Variants in ABCF2 observed in about 807,000 individuals in gnomAD.
ABCF2 encodes the protein ATP binding cassette subfamily F member 2.
A neutral mutation model predicts 76.9 loss-of-function variants in ABCF2; 37 were observed. The observed-to-expected ratio is 0.48, with a 90% CI of 0.37 to 0.63. ABCF2 has a LOEUF of 0.63. ABCF2 is among the 30% of genes least tolerant of loss of function. ABCF2 has a pLI of 0.00. For missense variants in ABCF2, 524 were observed against 782.1 expected, an observed-to-expected ratio of 0.67 and a Z score of 3.94; for synonymous variants, 299 against 283.7, an observed-to-expected ratio of 1.05 and a Z score of -0.54.
chr7:151,222,418 T>C, intron 6 of ABCF2, 103 bp downstream of exon 6: 2 of 924,308 alleles, frequency 2.2e-6, no homozygotes, highest in Non-Finnish European at 3.4e-6. Context: ...CTTCCTTCAG[T>C]TCCTTTCTCA....
chr7:151,222,405 G>GTCCT, intron 6 of ABCF2, 116 bp downstream of exon 6: 1 of 782,672 alleles, frequency 1.3e-6, no homozygotes, highest in Non-Finnish European at 2.1e-6. Context: ...AGTGAACTCT[G>GTCCT]TCCTTCCTTC....
chr7:151,215,509 C>T lies in ABCF2; in HGVS notation c.1530+95G>A, dbSNP rs1416702773. 7.9e-6 allele frequency: 12 copies of T among 1,512,274 alleles called. No homozygotes were observed. Among genetic ancestry groups the T allele is most frequent in the Non-Finnish European group, 1.1e-5 (12 of 1,111,092 alleles). 93.7% of individuals were successfully genotyped at this position (1,512,274 alleles called of 1,614,324 possible). A position where few individuals can be genotyped will look rare whatever the true frequency, so the allele number is the denominator to read the frequency against. The stretch of plus-strand genomic sequence containing the variant: ...ATGGAGGAGACTCTGGTTTGGACAG[C>T]TTCCAAACCCAGGCTGCCAGGACAG... On this transcript the variant is annotated intron_variant, in intron 13 of 14. Coordinates refer to ENST00000287844, the MANE Select transcript of ABCF2 (RefSeq NM_007189.3). This position sits in a 1 kb window ranked among gnomAD's most constrained non-coding sequence, Gnocchi z 4.6.
rs566604125 is a variant in ABCF2, at chr7:151,215,889, G to A, written c.1401+78C>T. 238 of 1,581,476 alleles carry A rather than the reference G, an allele frequency of 1.5e-4. No individual in the cohort carries two copies. The African/African-American group carries it at 2.8e-3, about 19-fold the overall frequency. On this transcript the variant is annotated intron_variant, in intron 12 of 14. Coordinates refer to ENST00000287844, the MANE Select transcript of ABCF2 (RefSeq NM_007189.3). The surrounding 1 kb of genome is among the most constrained non-coding windows in gnomAD (Gnocchi z 4.6). ...GGAATTCCTGCCAGGGGGTGGGGGCGGCTGGCTGGAACTCAGCCAGATACA... is the reference window on the plus strand; with the variant it reads ...GGAATTCCTGCCAGGGGGTGGGGGCAGCTGGCTGGAACTCAGCCAGATACA...
At chr7:151,218,679 T>C in intron 9 of ABCF2, 29 bp from the exon 10 acceptor site, 1 of 1,613,740 alleles carries the variant, frequency 6.2e-7, no homozygotes, top group Non-Finnish European at 8.5e-7. Context: ...ATTTATCAAG[T>C]TGGCTCCTTT....
chr7:151,226,623 C>A (rs1250716885), intron 1 of ABCF2, 123 bp from the exon 2 acceptor site: 1 of 725,956 alleles, frequency 1.4e-6, no homozygotes, highest in African/African-American at 1.8e-5. Flanking sequence ...TGGCCTGCCC[C>A]CGCCTCGTCT....
At chr7:151,217,266 A>T (rs1330150004) in intron 11 of ABCF2, among the ~76,000 whole-genome samples, 1 of 152,172 alleles carries the variant, frequency 6.6e-6, no homozygotes, top group Non-Finnish European at 1.5e-5. Flanking sequence ...ACTCATTCAG[A>T]CTGGAACCAC....
intron 3 of ABCF2, 96 bp from the exon 4 acceptor site, chr7:151,224,210 A>ATTT (rs878980435): frequency 4.6e-5 from 46 of 997,588 alleles, no homozygotes; most frequent in South Asian, 8.8e-5. Flanking sequence ...GACCTCATCC[A>ATTT]TTTTTTTTTT....
In ABCF2 at chr7:151,211,843, T is replaced by C. The variant is rs1563604060; in HGVS notation, c.*2211A>G. ...GCAGTCAAGCCAGTACCCTCTGGGG[T>C]CAGAGGACTCCCATCTGTCTCAGCT... is the stretch of plus-strand genomic sequence containing the variant. On this transcript the variant is annotated 3_prime_UTR_variant, in exon 15 of 15. Transcript: ENST00000287844. 1.0e-6 allele frequency: 1 copy of C among 985,368 alleles called. No homozygotes were observed. Among genetic ancestry groups the C allele is most frequent in the East Asian group, 1.1e-4 (1 of 8,812 alleles). The allele number at this position is 985,368 out of a possible 1,614,324, so 61.0% of individuals were successfully genotyped here. A position where few individuals can be genotyped will look rare whatever the true frequency, so the allele number is the denominator to read the frequency against.
rs919585544 is a variant in ABCF2 at position 151,212,651 on chromosome 7, C to T, written c.*1403G>A. The T allele has an allele frequency of 1.0e-4, 22 of 218,910 alleles. No homozygotes were observed. Among genetic ancestry groups the T allele is most frequent in the Non-Finnish European group, 1.5e-4 (20 of 129,146 alleles). The allele number at this position is 218,910 out of a possible 1,614,324, so 13.6% of individuals were successfully genotyped here. On this transcript the variant is annotated 3_prime_UTR_variant, in exon 15 of 15. Coordinates refer to ENST00000287844, the MANE Select transcript of ABCF2 (RefSeq NM_007189.3). ...GACCGCAGGCACATGCTACTATGCCCGGTTCATTTTATTACTATTTGTAGA... is the reference window on the plus strand; with the variant it reads ...GACCGCAGGCACATGCTACTATGCCTGGTTCATTTTATTACTATTTGTAGA...
rs999782737 is a variant in ABCF2 at position 151,213,708 on chromosome 7, C to T, written c.*346G>A. 12 of 1,074,036 alleles carry T rather than the reference C, an allele frequency of 1.1e-5. No homozygotes were observed. Among genetic ancestry groups the T allele is most frequent in the Non-Finnish European group, 1.4e-5 (12 of 888,656 alleles). 66.5% of individuals were successfully genotyped at this position (1,074,036 alleles called of 1,614,324 possible). On this transcript the variant is annotated 3_prime_UTR_variant, in exon 15 of 15. Coordinates refer to ENST00000287844, the MANE Select transcript of ABCF2 (RefSeq NM_007189.3). ...AAACCCAGAAAACGAGGATCCTAAG[C>T]TCCTCCGCAGGCCAAATCCAGGGCT...
Position 151,219,101 on chromosome 7 carries a change from C to A in ABCF2, c.980G>T (p.Arg327Met). The change falls in exon 8 of 15, where the codon AGG becomes ATG. Residue 327 changes from arginine (R) to methionine (M), a missense_variant. This residue lies in a region of ABCF2 where 330 missense variants were observed against 433.6 expected (regional missense o/e 0.76). Transcript: ENST00000287844. ...AATCTGATCTTGCTCCCAGTGAAAC[C>A]TCTTCATCTGGTTCTCCTCCAGCTC... ...RLELEENQMK[R>M]FHWEQDQIAH... The A allele has an allele frequency of 6.2e-7, 1 of 1,614,108 alleles. No homozygotes were observed. Among genetic ancestry groups the A allele is most frequent in the Non-Finnish European group, 8.5e-7 (1 of 1,180,034 alleles).
At position 151,213,315 on chromosome 7, in the gene ABCF2, CTG is replaced by C. The variant is rs1413502559; in HGVS notation, c.*737_*738del. ...AGGTGATTCTGATTCATGTTAAAGT[CTG>C]TGAATCACAGGCCTGAGAAAAGGTA... On this transcript the variant is annotated 3_prime_UTR_variant, in exon 15 of 15. Coordinates refer to ENST00000287844, the MANE Select transcript of ABCF2 (RefSeq NM_007189.3). 1.0e-6 allele frequency: 1 copy of C among 984,218 alleles called. No individual in the cohort carries two copies. The highest frequency in any genetic ancestry group is 1.7e-5 in the African/African-American group (1 of 57,188). The allele number at this position is 984,218 out of a possible 1,614,324, so 61.0% of individuals were successfully genotyped here. A position where few individuals can be genotyped will look rare whatever the true frequency, so the allele number is the denominator to read the frequency against.
chr7:151,213,274 A>T lies in ABCF2; in HGVS notation c.*780T>A, dbSNP rs778742873. ...CGCTGAGGCGAGATCTGGCAATCTG[A>T]TTGCATGAGCCCTCCAGGTGATTCT... On this transcript the variant is annotated 3_prime_UTR_variant, in exon 15 of 15. Coordinates refer to ENST00000287844, the MANE Select transcript of ABCF2 (RefSeq NM_007189.3). The T allele has an allele frequency of 3.1e-6, 3 of 978,190 alleles. No homozygotes were observed. The highest frequency in any genetic ancestry group is 3.6e-6 in the Non-Finnish European group (3 of 823,376). 60.6% of individuals were successfully genotyped at this position (978,190 alleles called of 1,614,324 possible).
chr7:151,225,054 G>A (rs533247987), intron 2 of ABCF2, 66 bp from the exon 3 acceptor site: 25 of 1,419,656 alleles, frequency 1.8e-5, no homozygotes, highest in African/African-American at 4.2e-5. Flanking sequence ...AAAGGTCAAC[G>A]TCCTGAAGGA....
chr7:151,220,142 A>G (rs942683172), intron 7 of ABCF2, among the ~76,000 whole-genome samples: 3 of 152,024 alleles, frequency 2.0e-5, no homozygotes, highest in African/African-American at 7.3e-5. Context: ...CTGTAATCCC[A>G]GCACTTTGGG....
In ABCF2 at chr7:151,218,660, A is replaced by G. The variant is rs559000292; in HGVS notation, c.1138-10T>C. The G allele has an allele frequency of 2.3e-5, 37 of 1,614,036 alleles. No individual in the cohort carries two copies. Among genetic ancestry groups the G allele is most frequent in the Non-Finnish European group, 2.7e-5 (32 of 1,179,960 alleles). ...AATAAAATGACAGTGTCTAGGAAGA[A>G]AAGAGGGCATTTATCAAGTTGGCTC... On this transcript the variant is annotated splice_polypyrimidine_tract_variant and intron_variant, in intron 9 of 14. Transcript: ENST00000287844.
At chr7:151,226,759 A>G in intron 1 of ABCF2, 1 of 263,178 alleles carries the variant, frequency 3.8e-6, no homozygotes, top group South Asian at 8.4e-5. Context: ...TCCTTCTTTC[A>G]GGGCCTCCGG....
Position 151,212,339 on chromosome 7 carries a change from A to T in ABCF2, c.*1715T>A. 2 of 985,480 alleles carry T rather than the reference A, an allele frequency of 2.0e-6. No individual in the cohort carries two copies. Among genetic ancestry groups the T allele is most frequent in the Non-Finnish European group, 2.4e-6 (2 of 829,938 alleles). The allele number at this position is 985,480 out of a possible 1,614,324, so 61.0% of individuals were successfully genotyped here. A position where few individuals can be genotyped will look rare whatever the true frequency, so the allele number is the denominator to read the frequency against. Reference sequence around the variant, plus strand: ...GCTGGAAGTGAATTCAACAGTGATGATAACTATGGCTGTGGACAGGTAAAA... The same window carrying T: ...GCTGGAAGTGAATTCAACAGTGATGTTAACTATGGCTGTGGACAGGTAAAA... On this transcript the variant is annotated 3_prime_UTR_variant, in exon 15 of 15. Coordinates refer to ENST00000287844, the MANE Select transcript of ABCF2 (RefSeq NM_007189.3).
In ABCF2 at chr7:151,214,037, G is replaced by A. The variant is rs767247986; in HGVS notation, c.*17C>T. 8.7e-6 allele frequency: 14 copies of A among 1,611,932 alleles called. No individual in the cohort carries two copies. The highest frequency in any genetic ancestry group is 6.7e-5 in the East Asian group (3 of 44,872). ...AGTTCCCAGATGGAGCTCCTGACCC[G>A]AACCCAGGTAGAGGGCTCACACGTT... On this transcript the variant is annotated 3_prime_UTR_variant, in exon 15 of 15. Coordinates refer to ENST00000287844, the MANE Select transcript of ABCF2 (RefSeq NM_007189.3). The surrounding 1 kb of genome is among the most constrained non-coding windows in gnomAD (Gnocchi z 4.9).
Sources: gnomAD v4.1 joint callset for allele counts (sites outside exome capture counted in the v4.1 genomes callset) on GRCh38, gnomAD v4.1.1 for gene constraint, gnomAD v4.1.1 regional missense constraint, Gnocchi (gnomAD v3.1) non-coding constraint, MANE v1.5 for transcripts, NCBI Gene and HGNC (gene_info 2026-07-23, HGNC 2026-07-21) for gene names.